Variants in SLC39A11 observed in about 807,000 individuals in gnomAD.
The protein encoded by SLC39A11 is zinc transporter ZIP11.
SLC39A11 carries 33 observed loss-of-function variants against 36.1 expected under a neutral mutation model. The observed-to-expected ratio is 0.91, with a 90% confidence interval of 0.69 to 1.22. The LOEUF (loss-of-function observed/expected upper bound fraction) is 1.22. SLC39A11 is among the 50% of genes most tolerant of loss of function. SLC39A11 has a pLI of 0.00. For synonymous variants in SLC39A11, 166 were observed against 170.3 expected, an observed-to-expected ratio of 0.97 and a Z score of 0.20; for missense variants, 432 against 430.3, an observed-to-expected ratio of 1.00 and a Z score of -0.03.
intron 6 of SLC39A11, among the ~76,000 whole-genome samples, chr17:72,814,739 G>T (rs1318775795): frequency 6.6e-6 from 1 of 151,958 alleles, no homozygotes; most frequent in Admixed American, 6.5e-5. Context: ...GATCACCTGG[G>T]GCTGGGGGGA....
At chr17:72,913,664 A>C (rs73345523) in intron 5 of SLC39A11, among the ~76,000 whole-genome samples, 22,843 of 152,080 alleles carry the variant, frequency 0.15, 2,012 homozygotes, top group African/African-American at 0.25. Flanking sequence ...GACTCGCCCA[A>C]GGCTCCTCTG....
intron 7 of SLC39A11, among the ~76,000 whole-genome samples, chr17:72,720,910 G>C (rs1378238832): frequency 6.6e-6 from 1 of 152,004 alleles, no homozygotes; most frequent in Non-Finnish European, 1.5e-5. Context: ...TGAGGTATGA[G>C]GGGGTCTGCA....
intron 6 of SLC39A11, among the ~76,000 whole-genome samples, chr17:72,749,993 C>A (rs1379663328): frequency 6.6e-6 from 1 of 152,154 alleles, no homozygotes; most frequent in African/African-American, 2.4e-5. Flanking sequence ...ATTGGCCCAG[C>A]CTCTCACCTG....
chr17:72,959,558 G>A (rs1348807408), intron 4 of SLC39A11, among the ~76,000 whole-genome samples: 1 of 151,532 alleles, frequency 6.6e-6, no homozygotes, highest in Non-Finnish European at 1.5e-5. Context: ...CGGACTTTGG[G>A]AACTTGGGGG....
intron 6 of SLC39A11, among the ~76,000 whole-genome samples, chr17:72,773,705 T>C (rs891779213): frequency 1.3e-5 from 2 of 148,800 alleles, no homozygotes; most frequent in African/African-American, 2.6e-5. Context: ...ATCAGTGTCA[T>C]TGCAGTGCTT....
chr17:72,661,532 G>C (rs1045010912), intron 7 of SLC39A11, among the ~76,000 whole-genome samples: 2 of 152,182 alleles, frequency 1.3e-5, no homozygotes, highest in Non-Finnish European at 2.9e-5. Context: ...TTGTGTGGCA[G>C]GCCCTTACAT....
At chr17:73,074,590 C>A (rs943632834) in intron 3 of SLC39A11, among the ~76,000 whole-genome samples, 1 of 152,158 alleles carries the variant, frequency 6.6e-6, no homozygotes, top group Non-Finnish European at 1.5e-5. Context: ...AGCCACCGTA[C>A]CCAGCCATGC....
chr17:72,929,569 T>A (rs2084259051), intron 5 of SLC39A11, among the ~76,000 whole-genome samples: 1 of 152,146 alleles, frequency 6.6e-6, no homozygotes, highest in Non-Finnish European at 1.5e-5. Flanking sequence ...TACCCAATTG[T>A]CAGCCAACAA....
intron 5 of SLC39A11, among the ~76,000 whole-genome samples, chr17:72,915,480 A>G (rs62069582): frequency 0.15 from 22,205 of 152,146 alleles, 1,960 homozygotes; most frequent in Non-Finnish European, 0.2. Context: ...TGTGTGGTAC[A>G]ACGTGGGCCT....
chr17:72,923,560 A>G (rs2083831869), intron 5 of SLC39A11, among the ~76,000 whole-genome samples: 1 of 152,168 alleles, frequency 6.6e-6, no homozygotes, highest in African/African-American at 2.4e-5. Flanking sequence ...AGAAATAGTG[A>G]CCCGTGATCC....
At chr17:72,936,133 C>T (rs1598480043) in intron 5 of SLC39A11, among the ~76,000 whole-genome samples, 1 of 152,022 alleles carries the variant, frequency 6.6e-6, no homozygotes, top group East Asian at 2.0e-4. Flanking sequence ...AGGAGGCAGA[C>T]GTTGTGGTGA....
At chr17:72,725,770 G>A (rs1367744407) in intron 7 of SLC39A11, among the ~76,000 whole-genome samples, 1 of 152,162 alleles carries the variant, frequency 6.6e-6, no homozygotes, top group African/African-American at 2.4e-5. Context: ...TGAAGAGAAG[G>A]AGCTGCCAAT....
rs2074085333 is a variant in SLC39A11, at chr17:72,729,426, TATATATATATATATA to T, written c.671+7209_671+7223del. 3.2e-3 allele frequency among the ~76,000 whole-genome samples: 17 copies of T among 5,310 alleles called. 2 individuals are homozygous for T. Among genetic ancestry groups the T allele is most frequent in the Non-Finnish European group, 8.6e-3 (13 of 1,508 alleles). 3.5% of individuals were successfully genotyped at this position (5,310 alleles called of 152,430 possible). ...CTATTTATATATATATATATATATA[TATATATATATATATA>T]TATATATATATATATATTTTTTTTT... On this transcript the variant is annotated intron_variant, in intron 7 of 9. Transcript: ENST00000255559.
At chr17:72,717,708 G>T (rs929283529) in intron 7 of SLC39A11, among the ~76,000 whole-genome samples, 1 of 152,196 alleles carries the variant, frequency 6.6e-6, no homozygotes, top group South Asian at 2.1e-4. Flanking sequence ...GCCAAATAAG[G>T]TTACAGTCAC....
chr17:73,083,468 C>T (rs1439889115), intron 3 of SLC39A11, among the ~76,000 whole-genome samples: 2 of 152,174 alleles, frequency 1.3e-5, no homozygotes, highest in African/African-American at 4.8e-5. Flanking sequence ...AAACCAAACC[C>T]TGATCAACTA....
chr17:72,861,778 AT>A (rs2080049872), intron 5 of SLC39A11, among the ~76,000 whole-genome samples: 1 of 94,706 alleles, frequency 1.1e-5, no homozygotes, highest in African/African-American at 4.5e-5. Context: ...ATATATATAT[AT>A]ATATCCAATG....
At position 72,997,763 on chromosome 17, in the gene SLC39A11, A is replaced by G. The variant is rs113191741; in HGVS notation, c.306+33793T>C. On this transcript the variant is annotated intron_variant, in intron 4 of 9. Transcript: ENST00000255559. ...TTTGTCCAGAGTACCCGCATTGTCTACGCTAGCCATCCATTAGTCACTTAG... is the reference window on the plus strand; with the variant it reads ...TTTGTCCAGAGTACCCGCATTGTCTGCGCTAGCCATCCATTAGTCACTTAG... Among the ~76,000 whole-genome samples the G allele has an allele frequency of 5.9e-5, 9 of 152,306 alleles. 1 individual carries two copies. The highest frequency in any genetic ancestry group is 2.2e-4 in the African/African-American group (9 of 41,556).
intron 7 of SLC39A11, among the ~76,000 whole-genome samples, chr17:72,709,429 T>C (rs1196869652): frequency 1.3e-5 from 2 of 152,212 alleles, no homozygotes; most frequent in Non-Finnish European, 2.9e-5. Flanking sequence ...TGCTCACCAA[T>C]TGGCCCAGGT....
Position 72,717,004 on chromosome 17 carries a change from C to CATAT in SLC39A11, c.671+19645_671+19646insATAT, listed in dbSNP as rs1216202045. Among the ~76,000 whole-genome samples, 980 of 145,092 alleles carry CATAT rather than the reference C, an allele frequency of 6.8e-3. 10 individuals carry two copies. Among genetic ancestry groups the CATAT allele is most frequent in the African/African-American group, 0.024 (912 of 38,346 alleles). On this transcript the variant is annotated intron_variant, in intron 7 of 9. Coordinates refer to ENST00000255559, the MANE Select transcript of SLC39A11 (RefSeq NM_139177.4). ...AAATATATATATATACACACACACACACACACACACACACACACACATATA... is the reference window on the plus strand; with the variant it reads ...AAATATATATATATACACACACACACATATACACACACACACACACACACATATA...
Sources: allele counts gnomAD v4.1 joint callset (sites outside exome capture counted in the v4.1 genomes callset), GRCh38; gene constraint gnomAD v4.1.1; transcripts MANE v1.5; gene names NCBI Gene and HGNC (gene_info 2026-07-23, HGNC 2026-07-21).